Variants in NCAM2 observed in about 807,000 individuals in gnomAD.
NCAM2 encodes the protein neural cell adhesion molecule 2.
In NCAM2, 30 loss-of-function variants were observed where a neutral mutation model predicts 98.1. That is an observed-to-expected ratio of 0.31 (90% confidence interval 0.23 to 0.41). The LOEUF is 0.41. NCAM2 is among the 10% of genes least tolerant of loss of function. NCAM2 has a pLI of 1.00. For missense variants in NCAM2, 867 were observed against 1,005.8 expected, an observed-to-expected ratio of 0.86 and a Z score of 1.87; for synonymous variants, 368 against 342.4, an observed-to-expected ratio of 1.07 and a Z score of -0.83.
intron 5 of NCAM2, among the ~76,000 whole-genome samples, chr21:21,300,477 G>A (rs1373484): frequency 0.74 from 112,197 of 151,896 alleles, 41,564 homozygotes; most frequent in South Asian, 0.82. Flanking sequence ...AGTCATCCAC[G>A]TATCTTTGAA....
intron 15 of NCAM2, among the ~76,000 whole-genome samples, chr21:21,480,089 G>T (rs190196137): frequency 3.9e-5 from 6 of 152,060 alleles, no homozygotes; most frequent in African/African-American, 1.2e-4. Flanking sequence ...GCAACTGGCC[G>T]GGCGCGGTGG....
intron 8 of NCAM2, among the ~76,000 whole-genome samples, chr21:21,357,003 A>AAATAAATC (rs2147972147): frequency 6.6e-6 from 1 of 151,494 alleles, no homozygotes. Context: ...ATAAATAAAT[A>AAATAAATC]AATAAATAAA....
intron 1 of NCAM2, among the ~76,000 whole-genome samples, chr21:21,006,979 G>A (rs1200644653): frequency 6.6e-6 from 1 of 152,056 alleles, no homozygotes; most frequent in Non-Finnish European, 1.5e-5. Flanking sequence ...GTTTTTGCTG[G>A]TGCTTGTTTA....
intron 2 of NCAM2, among the ~76,000 whole-genome samples, chr21:21,281,397 T>G (rs2072924743): frequency 2.0e-5 from 3 of 152,132 alleles, no homozygotes; most frequent in Admixed American, 6.5e-5. Context: ...GGCCAAAAAT[T>G]TATTCTAATA....
chr21:21,412,190 T>G (rs536742335), intron 10 of NCAM2, among the ~76,000 whole-genome samples: 351 of 152,138 alleles, frequency 2.3e-3, no homozygotes, highest in Non-Finnish European at 3.0e-3. Context: ...TTCCCTGGAC[T>G]TGTACTTGGC....
At chr21:21,121,878 T>C (rs2066683002) in intron 1 of NCAM2, among the ~76,000 whole-genome samples, 1 of 152,204 alleles carries the variant, frequency 6.6e-6, no homozygotes, top group Non-Finnish European at 1.5e-5. Context: ...AGGCTCTAGA[T>C]CTACATTTCT....
At chr21:21,045,643 C>T (rs1238302859) in intron 1 of NCAM2, among the ~76,000 whole-genome samples, 1 of 152,052 alleles carries the variant, frequency 6.6e-6, no homozygotes, top group African/African-American at 2.4e-5. Context: ...AAGCAAGACC[C>T]TGTCTCAGAA....
chr21:21,048,702 T>C (rs1035163633), intron 1 of NCAM2, among the ~76,000 whole-genome samples: 1 of 152,180 alleles, frequency 6.6e-6, no homozygotes, highest in African/African-American at 2.4e-5. Context: ...CCCTAAAATA[T>C]ATACAACCAA....
chr21:21,484,740 A>C (rs143553155), intron 15 of NCAM2, among the ~76,000 whole-genome samples: 192 of 152,296 alleles, frequency 1.3e-3, no homozygotes, highest in Non-Finnish European at 1.9e-3. Flanking sequence ...CAACCTTTTA[A>C]GTGGATAATT....
Position 21,138,608 on chromosome 21 carries a change from C to T in NCAM2, c.55+139990C>T, listed in dbSNP as rs555791746. Among the ~76,000 whole-genome samples the T allele has an allele frequency of 3.9e-3, 601 of 152,180 alleles. 9 individuals are homozygous for T. The highest frequency in any genetic ancestry group is 0.024 in the South Asian group (117 of 4,806). On this transcript the variant is annotated intron_variant, in intron 1 of 17. Coordinates refer to ENST00000400546, the MANE Select transcript of NCAM2 (RefSeq NM_004540.5). ...ACATTATTGCCATCCTCTCACATCT[C>T]CAGCAATATTGTAAACAGACAGCGA...
chr21:21,032,314 G>A (rs1339894668), intron 1 of NCAM2, among the ~76,000 whole-genome samples: 1 of 152,082 alleles, frequency 6.6e-6, no homozygotes, highest in African/African-American at 2.4e-5. Context: ...TAAATTGTAA[G>A]TTATGTTTTC....
chr21:21,358,780 C>T (rs915894281), intron 8 of NCAM2, among the ~76,000 whole-genome samples: 2 of 151,894 alleles, frequency 1.3e-5, no homozygotes, highest in African/African-American at 4.8e-5. Flanking sequence ...AATAAGTTTC[C>T]TTCAATCTGC....
intron 1 of NCAM2, among the ~76,000 whole-genome samples, chr21:21,257,350 T>G (rs1245084218): frequency 6.6e-6 from 1 of 152,174 alleles, no homozygotes; most frequent in Non-Finnish European, 1.5e-5. Flanking sequence ...TTACATGATT[T>G]TATCCCCCAT....
chr21:21,510,749 C>A lies in NCAM2; in HGVS notation c.2282+1694C>A, dbSNP rs1988319457. ...AATATATATCATTTTTTACATATTT[C>A]TGCATTTTTTGCTAATTGTTTTAAC... On this transcript the variant is annotated intron_variant, in intron 16 of 17. Coordinates refer to ENST00000400546, the MANE Select transcript of NCAM2 (RefSeq NM_004540.5). 7.9e-3 allele frequency among the ~76,000 whole-genome samples: 3 copies of A among 382 alleles called. No individual in the cohort carries two copies. The South Asian group carries it at 0.21, about 27-fold the overall frequency. 0.3% of individuals were successfully genotyped at this position (382 alleles called of 152,430 possible).
intron 1 of NCAM2, among the ~76,000 whole-genome samples, chr21:21,206,524 G>T (rs1214537505): frequency 6.6e-6 from 1 of 152,084 alleles, no homozygotes; most frequent in Non-Finnish European, 1.5e-5. Context: ...TACTGGGTTT[G>T]AACATTTAAT....
intron 1 of NCAM2, among the ~76,000 whole-genome samples, chr21:21,185,552 T>C (rs2146935975): frequency 6.6e-6 from 1 of 152,340 alleles, no homozygotes; most frequent in East Asian, 1.9e-4. Flanking sequence ...TTATTTGCTT[T>C]TCACTTTCAA....
intron 1 of NCAM2, 68 bp downstream of exon 1, chr21:20,998,686 G>C (rs2063964538): frequency 7.1e-7 from 1 of 1,399,654 alleles, no homozygotes. Context: ...GAGGCAAAGA[G>C]GGAGGCGCAG....
chr21:21,425,544 G>A (rs535667230), intron 11 of NCAM2, among the ~76,000 whole-genome samples: 16 of 152,074 alleles, frequency 1.1e-4, no homozygotes, highest in African/African-American at 3.9e-4. Flanking sequence ...TGATATCTTG[G>A]TAGTGAATGA....
chr21:21,325,203 G>A (rs2074482201), intron 6 of NCAM2, among the ~76,000 whole-genome samples: 1 of 152,102 alleles, frequency 6.6e-6, no homozygotes, highest in African/African-American at 2.4e-5. Flanking sequence ...TGCTACAGAA[G>A]CATTAGCTAC....
Sources: gnomAD v4.1 joint callset for allele counts (sites outside exome capture counted in the v4.1 genomes callset) on GRCh38, gnomAD v4.1.1 for gene constraint, MANE v1.5 for transcripts, NCBI Gene and HGNC (gene_info 2026-07-23, HGNC 2026-07-21) for gene names.